The following UNC13C variants were observed in gnomAD, a reference collection of about 807,000 sequenced individuals.
UNC13C encodes unc-13 homolog C.
Under a neutral mutation model 245.4 loss-of-function variants are expected in UNC13C, and 174 were observed. The observed-to-expected ratio is 0.71, with a 90% CI of 0.63 to 0.80. The LOEUF (loss-of-function observed/expected upper bound fraction) is 0.80, where lower values mean the gene tolerates loss of function less well. Among genes scored for constraint, UNC13C ranks in the 30% least tolerant of loss-of-function variants. The probability of loss-of-function intolerance (pLI) is 0.00; values close to 1 mark genes in which losing one functional copy is unlikely to be tolerated. For missense variants in UNC13C, 2,829 were observed against 2,602.9 expected (o/e 1.09, Z -1.89); for synonymous variants, 992 against 895.1 (o/e 1.11, Z -1.93).
chr15:54,599,493 T>G (rs1899285336), intron 30 of UNC13C, among the ~76,000 whole-genome samples: 1 of 152,034 alleles, frequency 6.6e-6, no homozygotes, highest in Non-Finnish European at 1.5e-5. Flanking sequence ...TGGATAAAAA[T>G]GGTAAGATCT....
At chr15:54,299,115 A>G (rs1287833132) in intron 12 of UNC13C, among the ~76,000 whole-genome samples, 2 of 152,140 alleles carry the variant, frequency 1.3e-5, no homozygotes, top group African/African-American at 2.4e-5. Flanking sequence ...TTGAACTGGC[A>G]TGATGGAGAA....
At chr15:54,250,749 C>CTTTTTTTTTTTTTTTTTTT (rs1296024773) in intron 8 of UNC13C, among the ~76,000 whole-genome samples, 11 of 88,874 alleles carry the variant, frequency 1.2e-4, no homozygotes, top group Admixed American at 4.4e-4. Context: ...TTCTTTCTTT[C>CTTTTTTTTTTTTTTTTTTT]TTTTTTTTTT....
At chr15:54,508,532 C>G (rs749440275) in intron 23 of UNC13C, among the ~76,000 whole-genome samples, 5 of 152,068 alleles carry the variant, frequency 3.3e-5, no homozygotes, top group Non-Finnish European at 7.4e-5. Context: ...TAAAAAGAAA[C>G]AAAAGCCCTC....
chr15:53,948,633 A>G, the UNC13C span: 2 of 151,620 alleles, frequency 1.3e-5, no homozygotes, highest in Non-Finnish European at 2.9e-5. Context: ...AAAAAGAGTT[A>G]TCAACAGAAA....
chr15:54,415,528 A>G (rs1008166258), intron 19 of UNC13C, among the ~76,000 whole-genome samples: 1 of 152,206 alleles, frequency 6.6e-6, no homozygotes, highest in Non-Finnish European at 1.5e-5. Context: ...CAAATCATTC[A>G]GTGTAGAAAA....
chr15:54,335,435 C>T (rs1017645845), intron 16 of UNC13C, among the ~76,000 whole-genome samples: 2 of 152,086 alleles, frequency 1.3e-5, no homozygotes, highest in Non-Finnish European at 2.9e-5. Flanking sequence ...GTAAAAATCA[C>T]TCTTTTGTTG....
chr15:53,860,233 T>G, the UNC13C span, among the ~76,000 whole-genome samples: 54 of 148,208 alleles, frequency 3.6e-4, no homozygotes, highest in African/African-American at 1.3e-3. Context: ...TAGATTCAGA[T>G]GATAATCATG....
At chr15:54,554,705 T>C (rs1210259305) in intron 28 of UNC13C, among the ~76,000 whole-genome samples, 2 of 152,010 alleles carry the variant, frequency 1.3e-5, no homozygotes, top group Non-Finnish European at 2.9e-5. Flanking sequence ...CTGGGATGAT[T>C]GTATCAGTTT....
intron 17 of UNC13C, among the ~76,000 whole-genome samples, chr15:54,339,300 C>T (rs2038669598): frequency 6.6e-6 from 1 of 152,084 alleles, no homozygotes; most frequent in African/African-American, 2.4e-5. Context: ...TTTTGGGGAA[C>T]AAGTGGCATT....
At chr15:54,124,755 T>G (rs1201868769) in intron 2 of UNC13C, among the ~76,000 whole-genome samples, 1 of 152,150 alleles carries the variant, frequency 6.6e-6, no homozygotes, top group Non-Finnish European at 1.5e-5. Flanking sequence ...TTTTTATATT[T>G]TACCTTTAAA....
intron 17 of UNC13C, among the ~76,000 whole-genome samples, chr15:54,359,809 GT>G (rs1239791348): frequency 2.0e-5 from 3 of 151,420 alleles, no homozygotes; most frequent in African/African-American, 4.8e-5. Flanking sequence ...TCTTGGTTTT[GT>G]TTTTCATATT....
chr15:54,091,694 C>G (rs531207760), intron 2 of UNC13C, among the ~76,000 whole-genome samples: 11 of 151,974 alleles, frequency 7.2e-5, no homozygotes, highest in Non-Finnish European at 1.6e-4. Flanking sequence ...CTATCAATGT[C>G]TGAATATTTA....
chr15:54,616,599 A>ATTCT (rs1252858293), intron 30 of UNC13C, among the ~76,000 whole-genome samples: 1 of 152,100 alleles, frequency 6.6e-6, no homozygotes, highest in Non-Finnish European at 1.5e-5. Flanking sequence ...TCTTTAAAAT[A>ATTCT]GAAAAAATTT....
downstream of UNC13C, chr15:54,632,245 G>A (rs1901468924): frequency 6.6e-6 from 1 of 152,142 alleles, no homozygotes. Context: ...TGTCAGATAT[G>A]AAATGTGCAA....
At chr15:53,865,902 C>T in the UNC13C span, among the ~76,000 whole-genome samples, 1 of 151,536 alleles carries the variant, frequency 6.6e-6, no homozygotes, top group Non-Finnish European at 1.5e-5. Context: ...ACATATCAAG[C>T]CAAAAGAAAA....
chr15:54,481,932 G>A (rs903353231), intron 19 of UNC13C, among the ~76,000 whole-genome samples: 2 of 152,142 alleles, frequency 1.3e-5, no homozygotes, highest in Admixed American at 6.5e-5. Context: ...CATGTGGATG[G>A]GCCCATAACC....
chr15:53,958,581 T>G, the UNC13C span, among the ~76,000 whole-genome samples: 2 of 152,162 alleles, frequency 1.3e-5, no homozygotes, highest in Non-Finnish European at 2.9e-5. Context: ...ATAGTGGAAT[T>G]ATGATGATAA....
At chr15:54,185,380 C>G (rs979995432) in intron 4 of UNC13C, among the ~76,000 whole-genome samples, 1 of 151,368 alleles carries the variant, frequency 6.6e-6, no homozygotes, top group African/African-American at 2.4e-5. Context: ...CCTAGGTTTT[C>G]TTCTAGGGTT....
intron 1 of UNC13C, among the ~76,000 whole-genome samples, chr15:53,993,005 A>C (rs531865268): frequency 6.6e-6 from 1 of 152,124 alleles, no homozygotes. Flanking sequence ...TCACACTGCT[A>C]TAATACACCA....
Sources: gnomAD v4.1 joint callset for allele counts (sites outside exome capture counted in the v4.1 genomes callset) on GRCh38, gnomAD v4.1.1 for gene constraint, MANE v1.5 for transcripts, NCBI Gene and HGNC (gene_info 2026-07-23, HGNC 2026-07-21) for gene names.